Variants in KCNIP4 observed in about 807,000 individuals in gnomAD.
KCNIP4 encodes the protein potassium voltage-gated channel interacting protein 4, also known as Kv channel-interacting protein 4.
A neutral mutation model predicts 34.0 loss-of-function variants in KCNIP4; 12 were observed. That is an observed-to-expected ratio of 0.35 (90% confidence interval 0.23 to 0.57). The LOEUF (loss-of-function observed/expected upper bound fraction) is 0.57, where lower values mean the gene tolerates loss of function less well. Ranked by LOEUF, KCNIP4 falls within the 20% of genes least tolerant of loss-of-function variation. The probability of loss-of-function intolerance (pLI) is 0.83; values close to 1 mark genes in which losing one functional copy is unlikely to be tolerated. For synonymous variants in KCNIP4, 124 were observed against 102.2 expected (o/e 1.21, Z -1.29); for missense variants, 238 against 311.7 (o/e 0.76, Z 1.78).
At chr4:20,921,024 G>C (rs979566363) in intron 1 of KCNIP4, among the ~76,000 whole-genome samples, 2 of 151,970 alleles carry the variant, frequency 1.3e-5, no homozygotes, top group Non-Finnish European at 2.9e-5. Flanking sequence ...GATAAGCTTT[G>C]CCACAGGATA....
At chr4:20,745,378 G>A (rs1212211614) in intron 5 of KCNIP4, among the ~76,000 whole-genome samples, 2 of 152,122 alleles carry the variant, frequency 1.3e-5, no homozygotes, top group African/African-American at 4.8e-5. Context: ...TTTTTATCCT[G>A]TGGGATGATA....
chr4:21,823,512 AAAAAAAAC>A (rs1722494726), intron 1 of KCNIP4, among the ~76,000 whole-genome samples: 1 of 128,470 alleles, frequency 7.8e-6, no homozygotes, highest in Non-Finnish European at 1.7e-5. Context: ...CTGTCTTAAA[AAAAAAAAC>A]AAAAAAACTA....
At chr4:21,235,518 T>C (rs944051128) in intron 1 of KCNIP4, among the ~76,000 whole-genome samples, 10 of 152,348 alleles carry the variant, frequency 6.6e-5, no homozygotes, top group Admixed American at 6.5e-4. Flanking sequence ...TTCTTCATTG[T>C]GTTCAAGTCC....
At chr4:20,982,495 T>C (rs935347013) in intron 1 of KCNIP4, among the ~76,000 whole-genome samples, 1 of 152,146 alleles carries the variant, frequency 6.6e-6, no homozygotes. Context: ...CTGTGAAATA[T>C]AAGAAAAGGA....
chr4:21,190,475 C>G (rs1323216319), intron 1 of KCNIP4, among the ~76,000 whole-genome samples: 1 of 139,528 alleles, frequency 7.2e-6, no homozygotes, highest in East Asian at 2.3e-4. Context: ...GAACTAAGTG[C>G]AACCTTTCAT....
chr4:20,763,271 TG>T (rs747765682), intron 3 of KCNIP4, among the ~76,000 whole-genome samples: 13 of 152,196 alleles, frequency 8.5e-5, no homozygotes, highest in Non-Finnish European at 1.9e-4. Context: ...TTTGCTTTTT[TG>T]GATGAGGGAT....
chr4:21,147,901 T>C (rs1049212607), intron 1 of KCNIP4, among the ~76,000 whole-genome samples: 4 of 110,654 alleles, frequency 3.6e-5, no homozygotes, highest in Non-Finnish European at 6.8e-5. Context: ...ATCACGCCAC[T>C]ACACTCCAGC....
At chr4:20,939,403 G>T (rs192645916) in intron 1 of KCNIP4, among the ~76,000 whole-genome samples, 22 of 151,842 alleles carry the variant, frequency 1.4e-4, no homozygotes, top group African/African-American at 5.3e-4. Context: ...TTTTGAGATG[G>T]AGTCTCTATC....
intron 3 of KCNIP4, among the ~76,000 whole-genome samples, chr4:20,846,880 C>A (rs1720447433): frequency 6.6e-6 from 1 of 152,176 alleles, no homozygotes; most frequent in African/African-American, 2.4e-5. Context: ...AATGCTGAAG[C>A]TTTTTCCCAG....
chr4:21,258,615 T>A (rs1385954585), intron 1 of KCNIP4, among the ~76,000 whole-genome samples: 1 of 152,146 alleles, frequency 6.6e-6, no homozygotes, highest in Non-Finnish European at 1.5e-5. Context: ...ATTCTGTCAA[T>A]TACTTGTGCA....
chr4:21,645,769 A>C (rs1746966063), intron 1 of KCNIP4, among the ~76,000 whole-genome samples: 1 of 152,006 alleles, frequency 6.6e-6, no homozygotes, highest in African/African-American at 2.4e-5. Context: ...CAACACAACC[A>C]CTTCAAAAAC....
chr4:21,046,811 G>A (rs1292512393), intron 1 of KCNIP4, among the ~76,000 whole-genome samples: 9 of 152,212 alleles, frequency 5.9e-5, no homozygotes, highest in South Asian at 2.1e-4. Flanking sequence ...GGCTGGTCTC[G>A]AACTTCCGAC....
At chr4:21,123,482 T>C (rs184985341) in intron 1 of KCNIP4, among the ~76,000 whole-genome samples, 1 of 152,316 alleles carries the variant, frequency 6.6e-6, no homozygotes, top group East Asian at 1.9e-4. Context: ...TTTACGCTCT[T>C]AAAAACTGTT....
intron 3 of KCNIP4, among the ~76,000 whole-genome samples, chr4:20,767,672 C>T (rs1206457341): frequency 6.6e-6 from 1 of 152,150 alleles, no homozygotes; most frequent in African/African-American, 2.4e-5. Context: ...TTGTCCACTC[C>T]AATAATCTTT....
At chr4:21,912,872 C>T (rs1484133476) in intron 1 of KCNIP4, among the ~76,000 whole-genome samples, 1 of 150,348 alleles carries the variant, frequency 6.7e-6, no homozygotes, top group Non-Finnish European at 1.5e-5. Flanking sequence ...CCCTTCATTG[C>T]AATAAGAAGC....
chr4:21,173,060 C>T (rs1051605868), intron 1 of KCNIP4, among the ~76,000 whole-genome samples: 2 of 152,130 alleles, frequency 1.3e-5, no homozygotes. Flanking sequence ...TACCACAACC[C>T]TTGCCAGGAA....
chr4:21,469,028 T>A (rs567937966), intron 1 of KCNIP4, among the ~76,000 whole-genome samples: 9 of 152,012 alleles, frequency 5.9e-5, no homozygotes, highest in Non-Finnish European at 1.2e-4. Context: ...CACTTTATTC[T>A]ATTATATTAT....
rs944948008 is a variant in KCNIP4, at chr4:21,483,489, G to C, written c.61+465082C>G. 1.1e-4 allele frequency among the ~76,000 whole-genome samples: 16 copies of C among 152,102 alleles called. No homozygotes were observed. In the South Asian group the frequency reaches 3.3e-3, roughly 32 times the overall value. On this transcript the variant is annotated intron_variant, in intron 1 of 8. Transcript: ENST00000382152. ...TCACGATAGAGTTCTCATGAGATCT[G>C]GTTGTTTAAAAGTGTGTGGGCCGGG...
At chr4:21,312,784 T>A (rs975733366) in intron 1 of KCNIP4, among the ~76,000 whole-genome samples, 1 of 152,184 alleles carries the variant, frequency 6.6e-6, no homozygotes, top group Non-Finnish European at 1.5e-5. Context: ...CAGAGGACTG[T>A]GAATGATCCC....
Sources: gnomAD v4.1 joint callset for allele counts (sites outside exome capture counted in the v4.1 genomes callset) on GRCh38, gnomAD v4.1.1 for gene constraint, MANE v1.5 for transcripts, NCBI Gene and HGNC (gene_info 2026-07-23, HGNC 2026-07-21) for gene names.